TPO: variants seen among roughly 807,000 people sequenced by gnomAD.
TPO encodes the protein thyroid microsomal antigen.
TPO carries 78 observed loss-of-function variants against 96.9 expected under a neutral mutation model. The observed-to-expected ratio is 0.81, with a 90% CI of 0.67 to 0.97. TPO has a LOEUF of 0.97. Among genes scored for constraint, TPO ranks in the 50% least tolerant of loss-of-function variants. TPO has a pLI of 0.00. For missense variants in TPO, 1,252 were observed against 1,274.8 expected, an observed-to-expected ratio of 0.98 and a Z score of 0.27; for synonymous variants, 547 against 538.0, an observed-to-expected ratio of 1.02 and a Z score of -0.23.
chr2:1,395,876 C>T (rs754441851), intron 1 of TPO, among the ~76,000 whole-genome samples: 14 of 152,206 alleles, frequency 9.2e-5, no homozygotes, highest in East Asian at 1.9e-4. Flanking sequence ...GTGCCTTTGC[C>T]TCTCCTTAGC....
At chr2:1,377,914 T>C (rs1473187139) in intron 1 of TPO, among the ~76,000 whole-genome samples, 1 of 152,188 alleles carries the variant, frequency 6.6e-6, no homozygotes, top group African/African-American at 2.4e-5. Flanking sequence ...TCATCTTGAA[T>C]TGTAGCTCCC....
At chr2:1,505,241 C>T (rs1163229490) in intron 14 of TPO, among the ~76,000 whole-genome samples, 1 of 151,640 alleles carries the variant, frequency 6.6e-6, no homozygotes, top group Non-Finnish European at 1.5e-5. Context: ...CAGGCATACA[C>T]CCCCTTCCTG....
chr2:1,539,938 T>A (rs1680532280), intron 15 of TPO, among the ~76,000 whole-genome samples: 2 of 152,130 alleles, frequency 1.3e-5, no homozygotes, highest in African/African-American at 4.8e-5. Flanking sequence ...ATATAGTAGC[T>A]GTTAAGTTCT....
chr2:1,374,293 G>C (rs148490957), exon 1 of TPO: 1 of 152,356 alleles, frequency 6.6e-6, no homozygotes, highest in East Asian at 1.9e-4. Context: ...CCTTCGGTCG[G>C]TGCCGGAATC....
At chr2:1,472,448 A>G (rs1055658370) in intron 7 of TPO, among the ~76,000 whole-genome samples, 2 of 152,200 alleles carry the variant, frequency 1.3e-5, no homozygotes, top group South Asian at 4.1e-4. Context: ...ATGCACAAGC[A>G]TATTCTCTTG....
upstream of TPO, among the ~76,000 whole-genome samples, chr2:1,412,027 C>T (rs1302662025): frequency 1.3e-5 from 2 of 152,210 alleles, no homozygotes; most frequent in East Asian, 1.9e-4. Context: ...ACTCACAGTC[C>T]ACTACTGTAT....
intron 1 of TPO, among the ~76,000 whole-genome samples, chr2:1,398,667 G>T (rs1055356462): frequency 6.6e-6 from 1 of 152,216 alleles, no homozygotes; most frequent in Non-Finnish European, 1.5e-5. Context: ...CCTGGTTCAT[G>T]TGCAGGCAAG....
intron 14 of TPO, among the ~76,000 whole-genome samples, chr2:1,507,179 A>T (rs2125022734): frequency 6.6e-6 from 1 of 152,330 alleles, no homozygotes; most frequent in South Asian, 2.1e-4. Flanking sequence ...GGTTTGTCAA[A>T]GATCAGATAG....
intron 1 of TPO, among the ~76,000 whole-genome samples, chr2:1,394,926 C>T (rs113554128): frequency 1.2e-4 from 18 of 152,084 alleles, no homozygotes; most frequent in Non-Finnish European, 1.5e-4. Context: ...TCCTAGTCAC[C>T]GCGCAGGGCC....
At chr2:1,529,103 A>T (rs1388835893) in intron 15 of TPO, among the ~76,000 whole-genome samples, 43 of 116,516 alleles carry the variant, frequency 3.7e-4, no homozygotes, top group African/African-American at 1.4e-3. Flanking sequence ...AACCTCTCCA[A>T]ATCCCCCCAC....
At chr2:1,513,801 G>C (rs1339964687) in intron 14 of TPO, among the ~76,000 whole-genome samples, 1 of 152,132 alleles carries the variant, frequency 6.6e-6, no homozygotes, top group Non-Finnish European at 1.5e-5. Context: ...TTTAGATATA[G>C]ATACTGATTG....
chr2:1,499,642 T>G, intron 13 of TPO, among the ~76,000 whole-genome samples: 1 of 139,850 alleles, frequency 7.2e-6, no homozygotes, highest in Non-Finnish European at 1.6e-5. Context: ...ATTACACCTG[T>G]GGTGTCTGGG....
intron 13 of TPO, among the ~76,000 whole-genome samples, chr2:1,502,674 G>A (rs145925528): frequency 4.3e-4 from 66 of 152,240 alleles, no homozygotes; most frequent in African/African-American, 1.5e-3. Flanking sequence ...ACAGGCATGA[G>A]CCACCGGACC....
Position 1,446,779 on chromosome 2 carries a change from T to A in TPO, c.483-6915T>A, listed in dbSNP as rs114652707. Among the ~76,000 whole-genome samples the A allele has an allele frequency of 6.5e-3, 996 of 152,344 alleles. 9 individuals are homozygous for A. The highest frequency in any genetic ancestry group is 0.023 in the African/African-American group (944 of 41,572). On this transcript the variant is annotated intron_variant, in intron 5 of 16. Transcript: ENST00000329066. ...TCTTTTGAAGAAACGTTGTTCATAT[T>A]TTTAATGAAGTCCCCTTTATCAATT... is the stretch of plus-strand genomic sequence containing the variant.
chr2:1,489,664 G>GAATGAATGAATGAATT (rs1292404761), intron 10 of TPO, among the ~76,000 whole-genome samples: 1 of 152,082 alleles, frequency 6.6e-6, no homozygotes, highest in Admixed American at 6.6e-5. Flanking sequence ...ATGAATGAAT[G>GAATGAATGAATGAATT]AATGAATGAA....
chr2:1,484,718 A>T lies in TPO; in HGVS notation c.1461A>T (p.Thr487=), dbSNP rs767524204. 1.2e-6 allele frequency: 2 copies of T among 1,613,968 alleles called. No individual in the cohort carries two copies. The highest frequency in any genetic ancestry group is 1.3e-5 in the African/African-American group (1 of 74,904). ...ANPTVSNVFS[T]AAFRFGHATI... ...CCACTGTGTCCAACGTGTTCTCCACAGCCGCCTTCCGCTTCGGCCATGCCA... is the reference window on the plus strand; with the variant it reads ...CCACTGTGTCCAACGTGTTCTCCACTGCCGCCTTCCGCTTCGGCCATGCCA... Residue 487 remains threonine (T), a synonymous_variant, in exon 9 of 17, where the codon ACA becomes ACT. Transcript: ENST00000329066.
At chr2:1,466,999 G>A (rs553004396) in intron 7 of TPO, among the ~76,000 whole-genome samples, 8 of 152,002 alleles carry the variant, frequency 5.3e-5, no homozygotes, top group Non-Finnish European at 1.2e-4. Context: ...TGCTCTTTCA[G>A]ATTTTTTATG....
At chr2:1,384,385 A>C (rs1451178854) in intron 1 of TPO, among the ~76,000 whole-genome samples, 7 of 151,902 alleles carry the variant, frequency 4.6e-5, no homozygotes, top group African/African-American at 1.7e-4. Context: ...CTTTTATTTC[A>C]TTGAGCAGTG....
chr2:1,512,508 G>A, intron 14 of TPO: 2 of 983,640 alleles, frequency 2.0e-6, no homozygotes, highest in Non-Finnish European at 2.4e-6. Flanking sequence ...TGGATGTGAT[G>A]CTTGCATGGT....
Sources: allele counts gnomAD v4.1 joint callset (sites outside exome capture counted in the v4.1 genomes callset), GRCh38; gene constraint gnomAD v4.1.1; transcripts MANE v1.5; gene names NCBI Gene and HGNC (gene_info 2026-07-23, HGNC 2026-07-21).